The following RANBP3 variants were observed in gnomAD, a reference collection of about 807,000 sequenced individuals.
RANBP3 encodes the protein RAN binding protein 3, also known as ran-binding protein 3.
In RANBP3, 14 loss-of-function variants were observed where a neutral mutation model predicts 77.3. That is an observed-to-expected ratio of 0.18 (90% CI 0.12 to 0.28). RANBP3 has a LOEUF of 0.28. RANBP3 is among the 10% of genes least tolerant of loss of function. The pLI is 1.00. For synonymous variants in RANBP3, 315 were observed against 312.4 expected, an observed-to-expected ratio of 1.01 and a Z score of -0.09; for missense variants, 586 against 752.3, an observed-to-expected ratio of 0.78 and a Z score of 2.59.
Position 5,951,467 on chromosome 19 carries a change from C to G in RANBP3, c.208G>C (p.Gly70Arg). The change falls in exon 3 of 17, where the codon GGC becomes CGC. Residue 70 changes from glycine to arginine, a missense_variant. By Grantham distance (125) the Gly-to-Arg change is moderately radical (BLOSUM62 -2). Coordinates refer to ENST00000340578, the MANE Select transcript of RANBP3 (RefSeq NM_007322.3). ...GGCGGAGGAGTGCTGGCTGAGGCGC[C>G]AGCAGGGGCAGGAGGTTCTAGGGCA... The part of the protein sequence containing the change: ...EHALEPPAPA[G>R]ASASTPPPPA... The G allele has an allele frequency of 6.2e-7, 1 of 1,608,232 alleles. No individual in the cohort carries two copies. Among genetic ancestry groups the G allele is most frequent in the Non-Finnish European group, 8.5e-7 (1 of 1,177,382 alleles).
chr19:5,973,519 G>C (rs1386342132), intron 1 of RANBP3, among the ~76,000 whole-genome samples: 1 of 152,190 alleles, frequency 6.6e-6, no homozygotes, highest in Non-Finnish European at 1.5e-5. Flanking sequence ...CCACAACAGA[G>C]AATTACCTGG....
At chr19:5,932,394 C>A (rs906886311) in intron 7 of RANBP3, 58 bp downstream of exon 7, 6 of 1,456,454 alleles carry the variant, frequency 4.1e-6, no homozygotes, top group Non-Finnish European at 3.8e-6. Context: ...CCGGGTGCGA[C>A]TTCGGGAACG....
chr19:5,961,219 G>T (rs947858664), intron 1 of RANBP3, among the ~76,000 whole-genome samples: 4 of 151,334 alleles, frequency 2.6e-5, no homozygotes, highest in Admixed American at 6.6e-5. Context: ...CGAGGTGGGG[G>T]GATCACGAGG....
At chr19:5,973,949 C>T (rs921104563) in intron 1 of RANBP3, among the ~76,000 whole-genome samples, 1 of 152,114 alleles carries the variant, frequency 6.6e-6, no homozygotes, top group South Asian at 2.1e-4. Context: ...AAACACAAAC[C>T]CAGCTCTCTG....
intron 8 of RANBP3, 148 bp downstream of exon 8, chr19:5,931,256 G>A: frequency 1.2e-6 from 1 of 854,376 alleles, no homozygotes; most frequent in South Asian, 3.0e-5. Context: ...AGCCTACTGA[G>A]CAAATCCAGA....
At chr19:5,977,294 TG>T (rs1282970662) in intron 1 of RANBP3, among the ~76,000 whole-genome samples, 26 of 151,732 alleles carry the variant, frequency 1.7e-4, no homozygotes, top group African/African-American at 6.3e-4. Flanking sequence ...AGCCTTATGG[TG>T]CCTTCTCGGG....
At position 5,918,571 on chromosome 19, in the gene RANBP3, G is replaced by A; in HGVS notation, c.1398C>T (p.Asp466=). The A allele has an allele frequency of 6.2e-7, 1 of 1,613,698 alleles. No homozygotes were observed. The highest frequency in any genetic ancestry group is 8.5e-7 in the Non-Finnish European group (1 of 1,179,918). Residue 466 remains aspartate, a synonymous_variant, in exon 15 of 17, where the codon GAC becomes GAT. Transcript: ENST00000340578. ...TGCGAATGCTCTTCTCGCTGGCCTTGTCGATCTGCATCTGGGCCCACAGCT... is the reference window on the plus strand; with the variant it reads ...TGCGAATGCTCTTCTCGCTGGCCTTATCGATCTGCATCTGGGCCCACAGCT... ...NTKLWAQMQI[D]KASEKSIRIT... is the part of the protein sequence containing the mutation.
intron 5 of RANBP3, chr19:5,935,866 G>C: frequency 2.2e-6 from 1 of 454,848 alleles, no homozygotes; most frequent in Non-Finnish European, 4.4e-6. Context: ...AACACAAGCT[G>C]CTGAATCATG....
At position 5,918,427 on chromosome 19, in the gene RANBP3, G is replaced by A. The variant is rs1203009048; in HGVS notation, c.1473+69C>T. ...CCCTCCCCACCGTCCTGCCTGATCTGTGTGCCCAGGAACCCCCACAGGGCT... is the reference window on the plus strand; with the variant it reads ...CCCTCCCCACCGTCCTGCCTGATCTATGTGCCCAGGAACCCCCACAGGGCT... On this transcript the variant is annotated intron_variant, in intron 15 of 16. Coordinates refer to ENST00000340578, the MANE Select transcript of RANBP3 (RefSeq NM_007322.3). The A allele has an allele frequency of 3.6e-6, 5 of 1,400,696 alleles. No homozygotes were observed. The East Asian group carries it at 1.1e-4, about 30-fold the overall frequency. The allele number at this position is 1,400,696 out of a possible 1,614,324, so 86.8% of individuals were successfully genotyped here. A position where few individuals can be genotyped will look rare whatever the true frequency, so the allele number is the denominator to read the frequency against.
chr19:5,977,651 G>A (rs2058611190), intron 1 of RANBP3, among the ~76,000 whole-genome samples: 2 of 152,086 alleles, frequency 1.3e-5, no homozygotes, highest in South Asian at 2.1e-4. Context: ...GAGATGCCGG[G>A]TGGCGGAGGA....
chr19:5,949,822 T>C (rs2058252822), intron 3 of RANBP3, among the ~76,000 whole-genome samples: 1 of 152,114 alleles, frequency 6.6e-6, no homozygotes, highest in Admixed American at 6.5e-5. Flanking sequence ...CACTCCAACA[T>C]GGGCCTCTGT....
chr19:5,969,012 A>T (rs1014290440), intron 1 of RANBP3, among the ~76,000 whole-genome samples: 2 of 152,202 alleles, frequency 1.3e-5, no homozygotes, highest in East Asian at 3.9e-4. Flanking sequence ...ATGAAGGGTG[A>T]GCAGGGATGA....
intron 1 of RANBP3, among the ~76,000 whole-genome samples, chr19:5,970,352 C>T (rs1000366091): frequency 3.3e-5 from 5 of 152,176 alleles, no homozygotes; most frequent in Admixed American, 3.3e-4. Context: ...TCTCCCTCCC[C>T]ACTCAGACTG....
chr19:5,960,180 G>C (rs1182571466), intron 1 of RANBP3, among the ~76,000 whole-genome samples: 1 of 151,952 alleles, frequency 6.6e-6, no homozygotes, highest in African/African-American at 2.4e-5. Flanking sequence ...GCCTGTGTTC[G>C]GCCCTGAGTC....
chr19:5,925,494 G>T lies in RANBP3; in HGVS notation c.917+140C>A, dbSNP rs538089126. ...CACCCAAGGTTGTGCCCAGAGTGGG[G>T]AATGAGAGAGAGGGGCCTGAGAGCA... is the stretch of plus-strand genomic sequence containing the variant. On this transcript the variant is annotated intron_variant, in intron 10 of 16. Coordinates refer to ENST00000340578, the MANE Select transcript of RANBP3 (RefSeq NM_007322.3). 246 of 707,726 alleles carry T rather than the reference G, an allele frequency of 3.5e-4. 1 individual carries two copies. Among genetic ancestry groups the T allele is most frequent in the Admixed American group, 7.2e-4 (32 of 44,138 alleles). The allele number at this position is 707,726 out of a possible 1,614,324, so 43.8% of individuals were successfully genotyped here.
Position 5,923,205 on chromosome 19 carries a change from T to G in RANBP3, c.1198A>C (p.Asn400His). The stretch of plus-strand genomic sequence containing the variant: ...GGCCGGCCCCTCACCTGTAACACAT[T>G]GCTCTCCGCCTCCTCCCCGGTGATG... ...EVITGEEAES[N>H]VLQMQCKLFV... The change falls in exon 13 of 17, where the codon AAT becomes CAT. Residue 400 changes from asparagine (N) to histidine (H), a missense_variant. Asn to His is a moderately conservative substitution (Grantham distance 68, BLOSUM62 1). This residue lies in a region of RANBP3 where 51 missense variants were observed against 123.2 expected (regional missense o/e 0.41). Transcript: ENST00000340578. 1 of 1,614,086 alleles carries G rather than the reference T, an allele frequency of 6.2e-7. No individual in the cohort carries two copies. The highest frequency in any genetic ancestry group is 8.5e-7 in the Non-Finnish European group (1 of 1,179,966).
chr19:5,941,011 CGTCCAGGGCCTTCA>C (rs1466314071), intron 5 of RANBP3, among the ~76,000 whole-genome samples: 1 of 152,268 alleles, frequency 6.6e-6, no homozygotes, highest in African/African-American at 2.4e-5. Flanking sequence ...CCAGGCCTCA[CGTCCAGGGCCTTCA>C]AGCCCTTTAG....
rs776390343 is a variant in RANBP3 at position 5,941,817 on chromosome 19, T to G, written c.301A>C (p.Ser101Arg). ...ELAGRSAGGS[S>R]PEGGEDSDRE... ...TCCTTACCTTCTCCGCCTTCAGGACTGGAGCCGCCAGCTGACCTCTGAAAC... is the reference window on the plus strand; with the variant it reads ...TCCTTACCTTCTCCGCCTTCAGGACGGGAGCCGCCAGCTGACCTCTGAAAC... Residue 101 changes from serine (S) to arginine (R), a missense_variant, in exon 4 of 17, where the codon AGT becomes CGT. Ser to Arg is a moderately radical substitution (Grantham distance 110). Coordinates refer to ENST00000340578, the MANE Select transcript of RANBP3 (RefSeq NM_007322.3). 11 of 1,612,082 alleles carry G rather than the reference T, an allele frequency of 6.8e-6. No individual in the cohort carries two copies. The highest frequency in any genetic ancestry group is 9.3e-6 in the Non-Finnish European group (11 of 1,180,022).
rs1046037962 is a variant in RANBP3 at position 5,921,009 on chromosome 19, G to A, written c.1330+192C>T. 4.1e-5 allele frequency: 21 copies of A among 507,614 alleles called. No individual in the cohort carries two copies. Among genetic ancestry groups the A allele is most frequent in the Non-Finnish European group, 6.3e-5 (19 of 303,802 alleles). The allele number at this position is 507,614 out of a possible 1,614,324, so 31.4% of individuals were successfully genotyped here. On this transcript the variant is annotated intron_variant, in intron 14 of 16. Coordinates refer to ENST00000340578, the MANE Select transcript of RANBP3 (RefSeq NM_007322.3). This position sits in a 1 kb window ranked among gnomAD's most constrained non-coding sequence, Gnocchi z 5.3. ...GGACGAGCTGGCAGCTGGAGCCAGT[G>A]TGTGAGGGTGGTGTTGAGGGCTGGG... is the stretch of plus-strand genomic sequence containing the variant.
Sources: gnomAD v4.1 joint callset for allele counts (sites outside exome capture counted in the v4.1 genomes callset) on GRCh38, gnomAD v4.1.1 for gene constraint, gnomAD v4.1.1 regional missense constraint, Gnocchi (gnomAD v3.1) non-coding constraint, MANE v1.5 for transcripts, NCBI Gene and HGNC (gene_info 2026-07-23, HGNC 2026-07-21) for gene names.